Variants in SORBS2 observed in about 807,000 individuals in gnomAD.
SORBS2 encodes sorbin and SH3 domain containing 2.
In SORBS2, 46 loss-of-function variants were observed where a neutral mutation model predicts 97.7. The ratio of observed to expected loss-of-function variants is 0.47; its 90% confidence interval spans 0.37 to 0.60. The LOEUF is 0.60. Among genes scored for constraint, SORBS2 ranks in the 20% least tolerant of loss-of-function variants. The pLI, the probability that SORBS2 is intolerant of heterozygous loss-of-function variation, is 0.00. For synonymous variants in SORBS2, 476 were observed against 473.4 expected, an observed-to-expected ratio of 1.01 and a Z score of -0.07; for missense variants, 1,316 against 1,282.3, an observed-to-expected ratio of 1.03 and a Z score of -0.40.
At chr4:185,589,483 C>G (rs2095869406) in intron 14 of SORBS2, among the ~76,000 whole-genome samples, 196 bp downstream of exon 26, 1 of 152,180 alleles carries the variant, frequency 6.6e-6, no homozygotes, top group Non-Finnish European at 1.5e-5. Context: ...GAAAATCACA[C>G]ATAGCTGAAG....
intron 2 of SORBS2, among the ~76,000 whole-genome samples, chr4:185,729,926 C>T (rs1374139742): frequency 6.6e-6 from 1 of 151,970 alleles, no homozygotes; most frequent in East Asian, 1.9e-4. Flanking sequence ...TGTCTAATTC[C>T]TTCTGTAGCT....
rs1186985902 is a variant in SORBS2, at chr4:185,772,257, C to G, written c.-198+2970G>C. On this transcript the variant is annotated intron_variant, in intron 2 of 20. Coordinates refer to the SORBS2 transcript ENST00000284776. ...CCCACATCAACTCTGGGTCGCCATG[C>G]TTTTCTGAGGGACATTGCCTTCACT... The G allele has an allele frequency of 1.1e-4, 16 of 152,270 alleles. No individual in the cohort carries two copies. The East Asian group carries it at 3.1e-3, about 29-fold the overall frequency. The allele number at this position is 152,270 out of a possible 1,614,324, so 9.4% of individuals were successfully genotyped here.
chr4:185,914,561 G>A (rs1245502859), intron 1 of SORBS2, among the ~76,000 whole-genome samples: 1 of 152,172 alleles, frequency 6.6e-6, no homozygotes, highest in Non-Finnish European at 1.5e-5. Flanking sequence ...TGGGATTTGG[G>A]GCTGAAAGGT....
At chr4:185,695,389 A>C (rs1371286412) in intron 2 of SORBS2, among the ~76,000 whole-genome samples, 3 of 152,166 alleles carry the variant, frequency 2.0e-5, no homozygotes, top group Non-Finnish European at 4.4e-5. Flanking sequence ...CCACAGACGA[A>C]CCTTAAGCCA....
intron 2 of SORBS2, among the ~76,000 whole-genome samples, chr4:185,694,045 C>A (rs1197941795): frequency 6.6e-6 from 1 of 152,156 alleles, no homozygotes; most frequent in Non-Finnish European, 1.5e-5. Context: ...AAAGAAGAAT[C>A]CCAGTGATTG....
intron 1 of SORBS2, among the ~76,000 whole-genome samples, chr4:185,904,751 G>T (rs1474287254): frequency 6.6e-6 from 1 of 152,188 alleles, no homozygotes; most frequent in East Asian, 1.9e-4. Flanking sequence ...AGGGAGTTAT[G>T]GCAAAGCTCA....
At chr4:185,937,494 T>C (rs144784276) in intron 1 of SORBS2, among the ~76,000 whole-genome samples, 12 of 152,318 alleles carry the variant, frequency 7.9e-5, no homozygotes, top group African/African-American at 2.4e-4. Flanking sequence ...AGTGCTTAAC[T>C]TCAGAAGTGG....
intron 1 of SORBS2, among the ~76,000 whole-genome samples, chr4:185,859,336 A>T (rs749751508): frequency 6.6e-6 from 1 of 152,136 alleles, no homozygotes; most frequent in Non-Finnish European, 1.5e-5. Flanking sequence ...TCAGCAGAGC[A>T]TACCTTATCC....
chr4:185,929,254 G>T (rs1432664503), intron 1 of SORBS2, among the ~76,000 whole-genome samples: 1 of 152,186 alleles, frequency 6.6e-6, no homozygotes, highest in Non-Finnish European at 1.5e-5. Context: ...CTCTGAGACA[G>T]GTGACCCAGG....
chr4:185,806,706 C>T (rs1229113478), intron 1 of SORBS2, among the ~76,000 whole-genome samples: 1 of 152,068 alleles, frequency 6.6e-6, no homozygotes, highest in African/African-American at 2.4e-5. Flanking sequence ...GATCCGCCCG[C>T]CTCGGCCTCC....
At chr4:185,726,543 T>C (rs1201891684) in intron 2 of SORBS2, among the ~76,000 whole-genome samples, 1 of 152,104 alleles carries the variant, frequency 6.6e-6, no homozygotes, top group Non-Finnish European at 1.5e-5. Context: ...GCTTACTTTG[T>C]ATAAGCTCTG....
intron 2 of SORBS2, among the ~76,000 whole-genome samples, chr4:185,747,517 GC>G (rs1407628434): frequency 6.6e-6 from 1 of 151,608 alleles, no homozygotes; most frequent in East Asian, 1.9e-4. Context: ...TCTGTGAAGA[GC>G]CCCATAGAAG....
At chr4:185,593,570 C>A in intron 13 of SORBS2, 1 of 301,140 alleles carries the variant, frequency 3.3e-6, no homozygotes, top group South Asian at 5.5e-5. Context: ...GTCTTTGAAG[C>A]TCGCAGTTAC....
intron 1 of SORBS2, among the ~76,000 whole-genome samples, chr4:185,819,456 T>C (rs2099195366): frequency 6.6e-6 from 1 of 152,190 alleles, no homozygotes; most frequent in East Asian, 1.9e-4. Context: ...TGATATCTCA[T>C]TGCATCCTGA....
chr4:185,750,715 G>A (rs1463303956), intron 2 of SORBS2, among the ~76,000 whole-genome samples: 1 of 152,164 alleles, frequency 6.6e-6, no homozygotes, highest in Non-Finnish European at 1.5e-5. Flanking sequence ...AGAATAAAAT[G>A]CTCCCTTTGG....
chr4:185,723,387 C>T (rs562133021), intron 2 of SORBS2, among the ~76,000 whole-genome samples: 1 of 152,292 alleles, frequency 6.6e-6, no homozygotes, highest in South Asian at 2.1e-4. Context: ...TCATATAGAA[C>T]AGGGTATGTT....
intron 1 of SORBS2, among the ~76,000 whole-genome samples, chr4:185,914,809 T>C (rs2099257193): frequency 6.6e-6 from 1 of 152,182 alleles, no homozygotes; most frequent in Admixed American, 6.5e-5. Context: ...TTATCTAACC[T>C]CTGTAACCAG....
intron 1 of SORBS2, among the ~76,000 whole-genome samples, chr4:185,914,109 C>T (rs574721096): frequency 6.6e-6 from 1 of 152,318 alleles, no homozygotes; most frequent in East Asian, 1.9e-4. Context: ...TGATTCTATA[C>T]CTGGGTTATT....
At position 185,600,147 on chromosome 4, in the gene SORBS2, A is replaced by C. The variant is rs80197159; in HGVS notation, c.2797-6212T>G. Among the ~76,000 whole-genome samples, 284 of 152,306 alleles carry C rather than the reference A, an allele frequency of 1.9e-3. 3 individuals are homozygous for C. Among genetic ancestry groups the C allele is most frequent in the Middle Eastern group, 0.017 (5 of 294 alleles). ...TGGCTGGCTTTTTCCATGCACACAC[A>C]GCATGCCAAACTCCTGCACAACAGC... On this transcript the variant is annotated intron_variant, in intron 12 of 14. Coordinates refer to ENST00000418609, the Ensembl canonical transcript of SORBS2.
Sources: allele counts gnomAD v4.1 joint callset (sites outside exome capture counted in the v4.1 genomes callset), GRCh38; gene constraint gnomAD v4.1.1; transcripts MANE v1.5; gene names NCBI Gene and HGNC (gene_info 2026-07-23, HGNC 2026-07-21).